SMPD3: variants seen among roughly 807,000 people sequenced by gnomAD.
SMPD3 encodes the protein nSMase-2.
SMPD3 carries 21 observed loss-of-function variants against 55.7 expected under a neutral mutation model. The observed-to-expected ratio is 0.38, with a 90% CI of 0.27 to 0.54. The LOEUF is 0.54. Ranked by LOEUF, SMPD3 falls within the 20% of genes least tolerant of loss-of-function variation. The pLI, the probability that SMPD3 is intolerant of heterozygous loss-of-function variation, is 0.80. For synonymous variants in SMPD3, 457 were observed against 404.3 expected (o/e 1.13, Z -1.56); for missense variants, 842 against 899.6 (o/e 0.94, Z 0.82).
chr16:68,400,833 C>G (rs977141057), intron 1 of SMPD3, among the ~76,000 whole-genome samples: 2 of 152,202 alleles, frequency 1.3e-5, no homozygotes, highest in African/African-American at 4.8e-5. Context: ...CTGTGGCTGA[C>G]GACTGTAACT....
intron 1 of SMPD3, among the ~76,000 whole-genome samples, chr16:68,431,890 C>T (rs1163464731): frequency 1.3e-5 from 2 of 152,108 alleles, no homozygotes; most frequent in Non-Finnish European, 2.9e-5. Context: ...CCACTGCACT[C>T]CAGCCTGGGC....
chr16:68,396,802 A>T (rs762604989), intron 1 of SMPD3, among the ~76,000 whole-genome samples: 2 of 152,252 alleles, frequency 1.3e-5, no homozygotes, highest in Non-Finnish European at 2.9e-5. Flanking sequence ...TTTGTGGTAA[A>T]ACAAAAGAAA....
rs183763561 is a variant in SMPD3, at chr16:68,374,970, G to T, written c.-206-2583C>A. Among the ~76,000 whole-genome samples the T allele has an allele frequency of 1.8e-3, 280 of 152,298 alleles. 1 individual carries two copies. Among genetic ancestry groups the T allele is most frequent in the African/African-American group, 6.4e-3 (268 of 41,554 alleles). ...GTTGGCACTAAGGCCTCAGGTTAAAGGTCCAGGCCAGATTCTTGGGGCCAC... is the reference window on the plus strand; with the variant it reads ...GTTGGCACTAAGGCCTCAGGTTAAATGTCCAGGCCAGATTCTTGGGGCCAC... On this transcript the variant is annotated intron_variant, in intron 2 of 8. Coordinates refer to ENST00000219334, the MANE Select transcript of SMPD3 (RefSeq NM_018667.4).
At position 68,400,345 on chromosome 16, in the gene SMPD3, G is replaced by A. The variant is rs139177364; in HGVS notation, c.-268-13686C>T. Reference sequence around the variant, plus strand: ...CTTGCCAGCATGACCCATTTGGGCTGTAATTTTAAACGATAATTATGGATT... The same window carrying A: ...CTTGCCAGCATGACCCATTTGGGCTATAATTTTAAACGATAATTATGGATT... On this transcript the variant is annotated intron_variant, in intron 1 of 8. Coordinates refer to ENST00000219334, the MANE Select transcript of SMPD3 (RefSeq NM_018667.4). Among the ~76,000 whole-genome samples the A allele has an allele frequency of 1.6e-3, 238 of 152,324 alleles. 4 individuals carry two copies. The East Asian group carries it at 0.038, about 24-fold the overall frequency.
chr16:68,379,232 G>A (rs186030048), intron 2 of SMPD3, among the ~76,000 whole-genome samples: 3 of 152,304 alleles, frequency 2.0e-5, no homozygotes, highest in Non-Finnish European at 2.9e-5. Flanking sequence ...GTGCCTTATC[G>A]GCATCCCTTG....
chr16:68,371,193 A>G lies in SMPD3; in HGVS notation c.989T>C (p.Val330Ala), dbSNP rs779174298. 1.2e-6 allele frequency: 2 copies of G among 1,611,810 alleles called. No individual in the cohort carries two copies. ...CCTCCTGCGTGCAGCCGCCTTCTTC[A>G]CCACCGAGGCCTTGTACAGGAGCTT... ...NSKLLYKASVVKKAAARRRRH... is the reference protein window; with the variant it reads ...NSKLLYKASVAKKAAARRRRH... Residue 330 changes from valine (V) to alanine (A), a missense_variant, in exon 3 of 9, where the codon GTG becomes GCG. This residue lies in a region of SMPD3 where 649 missense variants were observed against 643.6 expected (regional missense o/e 1.01). Transcript: ENST00000219334.
chr16:68,385,649 AT>A (rs2090041744), intron 2 of SMPD3, among the ~76,000 whole-genome samples: 1 of 152,104 alleles, frequency 6.6e-6, no homozygotes, highest in Non-Finnish European at 1.5e-5. Context: ...ATTTGTCAAT[AT>A]TTGAGAAGGA....
chr16:68,444,700 A>C (rs2090596756), intron 1 of SMPD3, among the ~76,000 whole-genome samples: 1 of 152,234 alleles, frequency 6.6e-6, no homozygotes. Context: ...GTATAAATTA[A>C]AAGAAACATA....
Position 68,370,909 on chromosome 16 carries a change from T to C in SMPD3, c.1273A>G (p.Asn425Asp), listed in dbSNP as rs747490746. The C allele has an allele frequency of 6.2e-7, 1 of 1,613,968 alleles. No homozygotes were observed. The highest frequency in any genetic ancestry group is 1.3e-5 in the African/African-American group (1 of 74,902). ...GCCAGGGCATCGTCGTTACACTTGT[T>C]GGGGTAACAGTGATAGGCCACGTCC... ...IMDVAYHCYPNKCNDDALASK... is the reference protein window; with the variant it reads ...IMDVAYHCYPDKCNDDALASK... Residue 425 changes from asparagine to aspartate, a missense_variant, in exon 3 of 9, where the codon AAC becomes GAC. By Grantham distance (23) the Asn-to-Asp change is conservative. Coordinates refer to ENST00000219334, the MANE Select transcript of SMPD3 (RefSeq NM_018667.4).
intron 1 of SMPD3, among the ~76,000 whole-genome samples, chr16:68,416,521 C>G (rs2090341094): frequency 6.6e-6 from 1 of 152,228 alleles, no homozygotes; most frequent in South Asian, 2.1e-4. Context: ...TCTTCTAACC[C>G]TAGCAGTTTC....
chr16:68,388,467 G>GC (rs2090081276), intron 1 of SMPD3, among the ~76,000 whole-genome samples: 1 of 152,144 alleles, frequency 6.6e-6, no homozygotes, highest in Non-Finnish European at 1.5e-5. Flanking sequence ...CATAAAGGAG[G>GC]CAGGCCACTC....
chr16:68,406,544 G>A (rs899672826), intron 1 of SMPD3, among the ~76,000 whole-genome samples: 9 of 152,138 alleles, frequency 5.9e-5, no homozygotes, highest in East Asian at 1.9e-4. Flanking sequence ...CCTCGGTAGC[G>A]GCAGGTCCAG....
intron 1 of SMPD3, among the ~76,000 whole-genome samples, chr16:68,425,651 AC>A (rs1284668089): frequency 1.3e-5 from 2 of 152,162 alleles, no homozygotes; most frequent in Admixed American, 1.3e-4. Context: ...ATCAATGCTG[AC>A]CCTAAGCTCT....
chr16:68,423,278 C>T (rs901806556), intron 1 of SMPD3, among the ~76,000 whole-genome samples: 5 of 152,190 alleles, frequency 3.3e-5, no homozygotes, highest in Admixed American at 2.0e-4. Context: ...CAGAGAGTTA[C>T]TTACTAGCTG....
intron 1 of SMPD3, among the ~76,000 whole-genome samples, chr16:68,405,234 G>A (rs1375871614): frequency 6.6e-6 from 1 of 152,068 alleles, no homozygotes; most frequent in Non-Finnish European, 1.5e-5. Context: ...GACTTTGCCA[G>A]ATTCCTTGGC....
intron 1 of SMPD3, among the ~76,000 whole-genome samples, chr16:68,439,037 C>G (rs1265576211): frequency 6.6e-6 from 1 of 152,232 alleles, no homozygotes; most frequent in African/African-American, 2.4e-5. Context: ...GCCTGACCCA[C>G]TGTAAACACT....
chr16:68,394,824 C>A (rs1483595119), intron 1 of SMPD3, among the ~76,000 whole-genome samples: 2 of 152,174 alleles, frequency 1.3e-5, no homozygotes, highest in African/African-American at 4.8e-5. Context: ...AAACAAGAGG[C>A]CATCAGGCAG....
rs1196954358 is a variant in SMPD3 at position 68,358,648 on chromosome 16, CTT to C, written c.*2556_*2557del. On this transcript the variant is annotated 3_prime_UTR_variant, in exon 9 of 9. Transcript: ENST00000219334. ...AGCATCAAGATTAATATACTTAAAA[CTT>C]AAGGTGGTTTTGGACAAATGAAAAT... 1.3e-5 allele frequency: 2 copies of C among 152,642 alleles called. No homozygotes were observed. The highest frequency in any genetic ancestry group is 4.8e-5 in the African/African-American group (2 of 41,454). 9.5% of individuals were successfully genotyped at this position (152,642 alleles called of 1,614,324 possible).
chr16:68,416,169 A>G (rs1191167420), intron 1 of SMPD3, among the ~76,000 whole-genome samples: 1 of 152,216 alleles, frequency 6.6e-6, no homozygotes, highest in Admixed American at 6.5e-5. Flanking sequence ...TGCTGCTGCC[A>G]CTGTGCCCGT....
Sources: gnomAD v4.1 joint callset for allele counts (sites outside exome capture counted in the v4.1 genomes callset) on GRCh38, gnomAD v4.1.1 for gene constraint, gnomAD v4.1.1 regional missense constraint, MANE v1.5 for transcripts, NCBI Gene and HGNC (gene_info 2026-07-23, HGNC 2026-07-21) for gene names.